Variants in PCDH15 observed in about 807,000 individuals in gnomAD.
The protein encoded by PCDH15 is protocadherin-15.
Under a neutral mutation model 178.5 loss-of-function variants are expected in PCDH15, and 129 were observed. That is an observed-to-expected ratio of 0.72 (90% CI 0.63 to 0.84). The LOEUF (loss-of-function observed/expected upper bound fraction) is 0.84. Ranked by LOEUF, PCDH15 falls within the 40% of genes least tolerant of loss-of-function variation. The pLI, the probability that PCDH15 is intolerant of heterozygous loss-of-function variation, is 0.00. For synonymous variants in PCDH15, 800 were observed against 732.0 expected (o/e 1.09, Z -1.50); for missense variants, 2,230 against 2,099.9 (o/e 1.06, Z -1.21).
chr10:55,003,737 GA>G (rs1839853934), intron 2 of PCDH15, among the ~76,000 whole-genome samples: 1 of 152,218 alleles, frequency 6.6e-6, no homozygotes, highest in Non-Finnish European at 1.5e-5. Flanking sequence ...CCTGCTTTGA[GA>G]AACTGCTGTT....
intron 2 of PCDH15, among the ~76,000 whole-genome samples, chr10:54,943,253 C>T (rs1474333230): frequency 3.3e-5 from 5 of 151,944 alleles, no homozygotes; most frequent in African/African-American, 1.2e-4. Flanking sequence ...TATTCCTTGT[C>T]TCTTGGTGTT....
chr10:54,023,920 A>T (rs1286063367), intron 18 of PCDH15, among the ~76,000 whole-genome samples: 1 of 152,046 alleles, frequency 6.6e-6, no homozygotes, highest in East Asian at 1.9e-4. Flanking sequence ...TGTGGAATTA[A>T]TGAACATTAG....
rs1302487384 is a variant in PCDH15, at chr10:54,747,805, CA to C, written c.-29+53119del. ...TAAAAATAAAATCACTCAATGGTTA[CA>C]TTTTTTTTTTTTTTTTTGAGACGGA... is the stretch of plus-strand genomic sequence containing the variant. On this transcript the variant is annotated intron_variant, in intron 1 of 37. Transcript: ENST00000644397. Among the ~76,000 whole-genome samples, 5 of 122,638 alleles carry C rather than the reference CA, an allele frequency of 4.1e-5. No individual in the cohort carries two copies. The East Asian group carries it at 1.0e-3, about 25-fold the overall frequency. 80.5% of individuals were successfully genotyped at this position (122,638 alleles called of 152,430 possible).
chr10:55,035,716 A>G (rs1402618856), intron 2 of PCDH15, among the ~76,000 whole-genome samples: 1 of 152,190 alleles, frequency 6.6e-6, no homozygotes, highest in East Asian at 1.9e-4. Flanking sequence ...CAAACAGCCA[A>G]AGACATTACT....
chr10:53,986,527 C>T (rs1324202965), intron 21 of PCDH15, among the ~76,000 whole-genome samples: 2 of 152,096 alleles, frequency 1.3e-5, no homozygotes, highest in Non-Finnish European at 2.9e-5. Context: ...TCTGTACTCC[C>T]ATGTGTACTG....
intron 2 of PCDH15, among the ~76,000 whole-genome samples, chr10:55,160,070 ATTG>A (rs146493738): frequency 0.15 from 22,054 of 151,892 alleles, 1,972 homozygotes; most frequent in East Asian, 0.25. Flanking sequence ...AAGCCAAATA[ATTG>A]TTGTCTCTGT....
intron 21 of PCDH15, among the ~76,000 whole-genome samples, chr10:53,990,499 TTA>T (rs1176525556): frequency 8.0e-6 from 1 of 124,712 alleles, no homozygotes; most frequent in African/African-American, 3.1e-5. Flanking sequence ...TCTCACAATG[TTA>T]TATATATGTT....
chr10:54,768,699 A>T (rs1379269308), intron 1 of PCDH15, among the ~76,000 whole-genome samples: 1 of 152,136 alleles, frequency 6.6e-6, no homozygotes, highest in African/African-American at 2.4e-5. Context: ...GAATGGGGTA[A>T]AATATTCCTT....
At chr10:54,071,208 A>T (rs944762352) in intron 17 of PCDH15, among the ~76,000 whole-genome samples, 3 of 152,174 alleles carry the variant, frequency 2.0e-5, no homozygotes, top group Admixed American at 6.6e-5. Flanking sequence ...ATGGATAAAT[A>T]ATACAATTTT....
chr10:55,258,725 C>T (rs1417174067), intron 1 of PCDH15, among the ~76,000 whole-genome samples: 1 of 144,782 alleles, frequency 6.9e-6, no homozygotes, highest in South Asian at 2.2e-4. Flanking sequence ...GTAACTGACC[C>T]AATAGTTTCA....
chr10:54,181,875 A>G (rs1209420839), intron 13 of PCDH15, among the ~76,000 whole-genome samples: 5 of 152,204 alleles, frequency 3.3e-5, no homozygotes, highest in Admixed American at 3.3e-4. Flanking sequence ...ATAGAACTCA[A>G]GAAAGCATAT....
At chr10:55,533,482 C>G (rs760898968) in intron 2 of PCDH15, among the ~76,000 whole-genome samples, 4 of 151,654 alleles carry the variant, frequency 2.6e-5, no homozygotes, top group Non-Finnish European at 5.9e-5. Flanking sequence ...TTACAATAGC[C>G]GCAAATAAAA....
chr10:53,930,115 T>G (rs1322953562), intron 25 of PCDH15, among the ~76,000 whole-genome samples: 1 of 152,070 alleles, frequency 6.6e-6, no homozygotes, highest in Non-Finnish European at 1.5e-5. Flanking sequence ...AAAGAGACTA[T>G]GGATAGGAAG....
At chr10:54,332,638 A>G (rs1174528273) in intron 6 of PCDH15, among the ~76,000 whole-genome samples, 2 of 151,428 alleles carry the variant, frequency 1.3e-5, no homozygotes, top group African/African-American at 4.8e-5. Flanking sequence ...TATTTTTTCC[A>G]AAAAACACTT....
chr10:54,639,266 T>G (rs2093936264), intron 2 of PCDH15, among the ~76,000 whole-genome samples: 1 of 152,182 alleles, frequency 6.6e-6, no homozygotes, highest in Non-Finnish European at 1.5e-5. Flanking sequence ...TTCCAAAGTT[T>G]GTAATAATAT....
At chr10:55,520,900 A>G (rs1458142870) in intron 2 of PCDH15, among the ~76,000 whole-genome samples, 1 of 151,916 alleles carries the variant, frequency 6.6e-6, no homozygotes, top group Non-Finnish European at 1.5e-5. Context: ...TAATTAACAT[A>G]TTATCACCTT....
chr10:55,220,124 T>A (rs1312423564), intron 1 of PCDH15, among the ~76,000 whole-genome samples: 2 of 151,988 alleles, frequency 1.3e-5, no homozygotes, highest in African/African-American at 4.8e-5. Flanking sequence ...AGGCCCTATG[T>A]CTTATAAATC....
At chr10:55,613,394 A>G (rs1843410955) in intron 2 of PCDH15, among the ~76,000 whole-genome samples, 1 of 152,112 alleles carries the variant, frequency 6.6e-6, no homozygotes, top group Non-Finnish European at 1.5e-5. Context: ...CATAATTGGG[A>G]TATACACCAC....
chr10:54,703,403 T>A (rs2095333075), intron 1 of PCDH15, among the ~76,000 whole-genome samples: 1 of 151,268 alleles, frequency 6.6e-6, no homozygotes. Context: ...GGAAAAAAAA[T>A]AAAAATATAC....
Sources: gnomAD v4.1 joint callset for allele counts (sites outside exome capture counted in the v4.1 genomes callset) on GRCh38, gnomAD v4.1.1 for gene constraint, MANE v1.5 for transcripts, NCBI Gene and HGNC (gene_info 2026-07-23, HGNC 2026-07-21) for gene names.